The following NCKAP5 variants were observed in gnomAD, a reference collection of about 807,000 sequenced individuals.
NCKAP5 encodes NCK associated protein 5, also known as nck-associated protein 5.
NCKAP5 carries 92 observed loss-of-function variants against 167.0 expected under a neutral mutation model. The observed-to-expected ratio is 0.55, with a 90% CI of 0.47 to 0.66. The LOEUF (loss-of-function observed/expected upper bound fraction) is 0.66. Among genes scored for constraint, NCKAP5 ranks in the 30% least tolerant of loss-of-function variants. The pLI is 0.00. For missense variants in NCKAP5, 2,378 were observed against 2,315.0 expected (o/e 1.03, Z -0.56); for synonymous variants, 891 against 877.4 (o/e 1.02, Z -0.27).
At chr2:133,129,216 G>C (rs1346037315) in intron 6 of NCKAP5, among the ~76,000 whole-genome samples, 2 of 151,742 alleles carry the variant, frequency 1.3e-5, no homozygotes, top group African/African-American at 2.4e-5. Context: ...TTTAGCATTA[G>C]GTATATCTCC....
chr2:133,437,061 A>G (rs930762161), intron 3 of NCKAP5, among the ~76,000 whole-genome samples: 1 of 152,276 alleles, frequency 6.6e-6, no homozygotes, highest in Non-Finnish European at 1.5e-5. Context: ...GCTCAAAAAA[A>G]TTAATGAAGG....
chr2:132,827,201 T>C (rs1201532660), intron 11 of NCKAP5, among the ~76,000 whole-genome samples: 3 of 152,188 alleles, frequency 2.0e-5, no homozygotes, highest in South Asian at 2.1e-4. Context: ...ACTCCTTAGA[T>C]GTGATATATA....
At chr2:132,713,368 C>T (rs1689045323) in intron 19 of NCKAP5, among the ~76,000 whole-genome samples, 2 of 125,030 alleles carry the variant, frequency 1.6e-5, no homozygotes, top group Non-Finnish European at 3.3e-5. Flanking sequence ...GACAAAACAT[C>T]AAGCCTGGCA....
At chr2:133,629,829 G>A in the NCKAP5 span, among the ~76,000 whole-genome samples, 1 of 152,158 alleles carries the variant, frequency 6.6e-6, no homozygotes, top group Admixed American at 6.5e-5. Flanking sequence ...TCCTTTGCAG[G>A]GACATGGATG....
intron 8 of NCKAP5, among the ~76,000 whole-genome samples, chr2:132,898,844 C>G (rs1414534772): frequency 1.3e-5 from 2 of 152,144 alleles, no homozygotes; most frequent in Admixed American, 1.3e-4. Context: ...CTTGGTTGTA[C>G]CATTTACAGA....
At position 133,343,848 on chromosome 2, in the gene NCKAP5, G is replaced by C. The variant is rs568280388; in HGVS notation, c.70-40738C>G. 2.0e-5 allele frequency among the ~76,000 whole-genome samples: 3 copies of C among 152,254 alleles called. No individual in the cohort carries two copies. The South Asian group carries it at 6.2e-4, about 32-fold the overall frequency. ...GGGAGTCGGAAGGATGTGATTTGTA[G>C]CTTTTGCCATAGTGTAAGTGCACCC... On this transcript the variant is annotated intron_variant, in intron 3 of 19. Coordinates refer to ENST00000409261, the MANE Select transcript of NCKAP5 (RefSeq NM_207363.3).
intron 8 of NCKAP5, among the ~76,000 whole-genome samples, chr2:132,890,026 C>T (rs186324128): frequency 4.3e-4 from 65 of 152,296 alleles, no homozygotes; most frequent in African/African-American, 1.4e-3. Flanking sequence ...GGCTTTCCCA[C>T]GGCAAAAGCT....
At chr2:133,002,458 C>A (rs531573327) in intron 6 of NCKAP5, among the ~76,000 whole-genome samples, 1 of 152,274 alleles carries the variant, frequency 6.6e-6, no homozygotes, top group South Asian at 2.1e-4. Flanking sequence ...ATTGTACGGT[C>A]CTCACCAATT....
intron 3 of NCKAP5, among the ~76,000 whole-genome samples, chr2:133,367,481 A>G (rs1431019822): frequency 6.6e-6 from 1 of 152,198 alleles, no homozygotes; most frequent in Non-Finnish European, 1.5e-5. Flanking sequence ...CCCAACAATT[A>G]GTTGTTGTTA....
intron 6 of NCKAP5, among the ~76,000 whole-genome samples, chr2:133,014,183 A>T (rs998119997): frequency 2.0e-5 from 3 of 152,246 alleles, no homozygotes; most frequent in Non-Finnish European, 4.4e-5. Flanking sequence ...TGAACCACAC[A>T]GCAAGGCATT....
intron 6 of NCKAP5, chr2:133,122,389 A>C (rs2149764916): frequency 6.6e-6 from 1 of 152,310 alleles, no homozygotes; most frequent in Middle Eastern, 3.4e-3. Flanking sequence ...ACATATTTAG[A>C]GGAGAGACTA....
chr2:133,495,222 G>A (rs534646499), intron 3 of NCKAP5, among the ~76,000 whole-genome samples: 2 of 152,232 alleles, frequency 1.3e-5, no homozygotes, highest in South Asian at 4.1e-4. Context: ...AAACCAAGCT[G>A]TAGCCTGACC....
chr2:133,672,370 T>C, the NCKAP5 span, among the ~76,000 whole-genome samples: 385 of 152,342 alleles, frequency 2.5e-3, 2 homozygotes, highest in Middle Eastern at 0.02. Flanking sequence ...CTGTAAACTA[T>C]TTGTTGCTGA....
At chr2:133,316,717 G>A (rs1009694908) in intron 3 of NCKAP5, among the ~76,000 whole-genome samples, 4 of 152,312 alleles carry the variant, frequency 2.6e-5, no homozygotes, top group Admixed American at 6.5e-5. Context: ...TGCCTCTACT[G>A]CCGCTGGGTG....
intron 8 of NCKAP5, among the ~76,000 whole-genome samples, chr2:132,948,944 T>G (rs1178351198): frequency 6.7e-6 from 1 of 150,200 alleles, no homozygotes; most frequent in Non-Finnish European, 1.5e-5. Context: ...TCAAGTAAAT[T>G]CAAAGAGGCC....
intron 6 of NCKAP5, among the ~76,000 whole-genome samples, chr2:133,097,272 C>T (rs2081372048): frequency 6.6e-6 from 1 of 152,122 alleles, no homozygotes; most frequent in South Asian, 2.1e-4. Flanking sequence ...CTTCTGGATG[C>T]TAAAGTGAGA....
chr2:133,524,126 G>A (rs906674330), intron 2 of NCKAP5, among the ~76,000 whole-genome samples: 3 of 152,226 alleles, frequency 2.0e-5, no homozygotes, highest in South Asian at 2.1e-4. Context: ...CTGGGGGTGG[G>A]AACCAAACAT....
At position 133,213,722 on chromosome 2, in the gene NCKAP5, C is replaced by A. The variant is rs2086305176; in HGVS notation, c.201G>T (p.Gly67=). ...QREVAQRTSE[G]AMHEKLIHEL... is the part of the protein sequence containing the mutation. ...GACGGCAGTCAGGACTTACCATGGC[C>A]CCCTCACTTGTTCTTTGGGCAACTT... is the stretch of plus-strand genomic sequence containing the variant. The change falls in exon 5 of 20, where the codon GGG becomes GGT. Residue 67 remains glycine (G), a synonymous_variant. Coordinates refer to ENST00000409261, the MANE Select transcript of NCKAP5 (RefSeq NM_207363.3). 1 of 1,613,560 alleles carries A rather than the reference C, an allele frequency of 6.2e-7. No individual in the cohort carries two copies. The highest frequency in any genetic ancestry group is 1.3e-5 in the African/African-American group (1 of 74,888).
In NCKAP5 at chr2:133,164,155, G is replaced by A. The variant is rs141290556; in HGVS notation, c.208-34044C>T. Among the ~76,000 whole-genome samples, 388 of 152,246 alleles carry A rather than the reference G, an allele frequency of 2.5e-3. 2 individuals carry two copies. The highest frequency in any genetic ancestry group is 4.0e-3 in the Non-Finnish European group (273 of 68,012). ...TACAGGTCCATGCTATGCAAGCACA[G>A]GATATTTTTTCATAATATATAAATT... On this transcript the variant is annotated intron_variant, in intron 5 of 19. Coordinates refer to ENST00000409261, the MANE Select transcript of NCKAP5 (RefSeq NM_207363.3).
Sources: allele counts gnomAD v4.1 joint callset (sites outside exome capture counted in the v4.1 genomes callset), GRCh38; gene constraint gnomAD v4.1.1; transcripts MANE v1.5; gene names NCBI Gene and HGNC (gene_info 2026-07-23, HGNC 2026-07-21).